The following KCNQ5 variants were observed in gnomAD, a reference collection of about 807,000 sequenced individuals.
The protein encoded by KCNQ5 is potassium voltage-gated channel subfamily KQT member 5.
A neutral mutation model predicts 98.2 loss-of-function variants in KCNQ5; 30 were observed. The observed-to-expected ratio is 0.31, with a 90% CI of 0.23 to 0.41. The LOEUF (loss-of-function observed/expected upper bound fraction) is 0.41. KCNQ5 is among the 10% of genes least tolerant of loss of function. The pLI, the probability that KCNQ5 is intolerant of heterozygous loss-of-function variation, is 1.00. For synonymous variants in KCNQ5, 458 were observed against 449.4 expected (o/e 1.02, Z -0.24); for missense variants, 835 against 1,182.5 (o/e 0.71, Z 4.31).
chr6:73,065,076 A>C (rs1772988156), intron 3 of KCNQ5, among the ~76,000 whole-genome samples: 2 of 148,802 alleles, frequency 1.3e-5, no homozygotes, highest in Non-Finnish European at 3.0e-5. Context: ...CTACTGCCTG[A>C]CTCTGCATCC....
At chr6:72,900,209 GT>G (rs1779431919) in intron 1 of KCNQ5, among the ~76,000 whole-genome samples, 1 of 151,656 alleles carries the variant, frequency 6.6e-6, no homozygotes. Flanking sequence ...ATGATGATTG[GT>G]TTTCCATTCC....
intron 1 of KCNQ5, among the ~76,000 whole-genome samples, chr6:72,857,575 C>T (rs994574923): frequency 3.9e-5 from 6 of 152,264 alleles, no homozygotes; most frequent in African/African-American, 1.2e-4. Flanking sequence ...TGTGATTAAG[C>T]ATAAAACTAA....
chr6:73,094,203 T>C (rs1394194592), intron 5 of KCNQ5, among the ~76,000 whole-genome samples: 2 of 152,098 alleles, frequency 1.3e-5, no homozygotes, highest in African/African-American at 4.8e-5. Context: ...AGTTTGTTTG[T>C]CTAAGAATAG....
intron 1 of KCNQ5, among the ~76,000 whole-genome samples, chr6:72,789,149 G>T (rs547809996): frequency 2.7e-5 from 4 of 150,560 alleles, no homozygotes; most frequent in South Asian, 2.1e-4. Flanking sequence ...TTTTGTTCAT[G>T]TGTATGTGTG....
At chr6:73,193,706 A>G (rs544660108) in intron 13 of KCNQ5, among the ~76,000 whole-genome samples, 2 of 152,114 alleles carry the variant, frequency 1.3e-5, no homozygotes, top group South Asian at 2.1e-4. Flanking sequence ...CTTTAAATTC[A>G]GAATCACCTA....
At chr6:72,734,544 A>G (rs904007219) in intron 1 of KCNQ5, among the ~76,000 whole-genome samples, 9 of 152,056 alleles carry the variant, frequency 5.9e-5, no homozygotes, top group African/African-American at 1.9e-4. Flanking sequence ...TAAATGTAGC[A>G]TTGAAGTTAT....
At chr6:72,906,542 T>C (rs1036951318) in intron 1 of KCNQ5, among the ~76,000 whole-genome samples, 1 of 152,212 alleles carries the variant, frequency 6.6e-6, no homozygotes, top group African/African-American at 2.4e-5. Flanking sequence ...GATGGCCTGC[T>C]TGGGGACCCA....
At chr6:73,120,652 C>CAA (rs559520498) in intron 8 of KCNQ5, 75 bp downstream of exon 8, 2 of 881,756 alleles carry the variant, frequency 2.3e-6, no homozygotes, top group African/African-American at 1.7e-5. Context: ...CCCACACACA[C>CAA]AAAAAAAGGT....
chr6:73,092,832 T>G (rs1264125343), intron 5 of KCNQ5, among the ~76,000 whole-genome samples: 1 of 152,196 alleles, frequency 6.6e-6, no homozygotes, highest in Non-Finnish European at 1.5e-5. Flanking sequence ...GTTAACAATT[T>G]TAGCATCTAT....
chr6:72,842,535 A>T (rs1214973609), intron 1 of KCNQ5, among the ~76,000 whole-genome samples: 2 of 152,130 alleles, frequency 1.3e-5, no homozygotes, highest in Non-Finnish European at 2.9e-5. Flanking sequence ...CATAACTGGG[A>T]TTATAATTCA....
rs934290578 is a variant in KCNQ5, at chr6:72,773,034, T to G, written c.398+150447T>G. ...GATTTTAGCTTATCAGTGTTGCCCC[T>G]TGTAAAACGCTATATTGAATATATC... On this transcript the variant is annotated intron_variant, in intron 1 of 13. Coordinates refer to ENST00000370398, the MANE Select transcript of KCNQ5 (RefSeq NM_019842.4). Among the ~76,000 whole-genome samples, 3 of 152,178 alleles carry G rather than the reference T, an allele frequency of 2.0e-5. No individual in the cohort carries two copies. In the South Asian group the frequency reaches 6.2e-4, roughly 32 times the overall value.
chr6:72,699,500 G>GT (rs1445253955), intron 1 of KCNQ5, among the ~76,000 whole-genome samples: 2 of 152,090 alleles, frequency 1.3e-5, no homozygotes, highest in Non-Finnish European at 2.9e-5. Flanking sequence ...TAAGTCTAAT[G>GT]TTTTTTCTTA....
rs77806317 is a variant in KCNQ5, at chr6:73,005,526, A to G, written c.489+1528A>G. On this transcript the variant is annotated intron_variant, in intron 2 of 13. Coordinates refer to ENST00000370398, the MANE Select transcript of KCNQ5 (RefSeq NM_019842.4). The stretch of plus-strand genomic sequence containing the variant: ...AAAATGTTAGATTTATATCCTCCAA[A>G]CCTCTGAAATATAAATTCTGTCATT... 3.6e-3 allele frequency among the ~76,000 whole-genome samples: 543 copies of G among 152,294 alleles called. 4 individuals are homozygous for G. Among genetic ancestry groups the G allele is most frequent in the African/African-American group, 0.013 (528 of 41,564 alleles).
chr6:72,838,543 TAA>T (rs1776617872), intron 1 of KCNQ5, among the ~76,000 whole-genome samples: 1 of 152,196 alleles, frequency 6.6e-6, no homozygotes, highest in Admixed American at 6.5e-5. Context: ...CACCAACACT[TAA>T]AATAGTTACA....
chr6:72,816,528 T>A (rs1326037795), intron 1 of KCNQ5, among the ~76,000 whole-genome samples: 1 of 152,024 alleles, frequency 6.6e-6, no homozygotes, highest in Admixed American at 6.6e-5. Context: ...GGAGTAAAAT[T>A]GAAAAATAAC....
intron 1 of KCNQ5, among the ~76,000 whole-genome samples, chr6:72,827,281 G>A (rs75903302): frequency 0.26 from 40,082 of 151,896 alleles, 6,191 homozygotes; most frequent in African/African-American, 0.43. Flanking sequence ...TCTATTTGTG[G>A]TTTTATGAGA....
intron 1 of KCNQ5, among the ~76,000 whole-genome samples, chr6:72,977,694 C>T (rs1010491607): frequency 2.0e-5 from 3 of 152,120 alleles, no homozygotes; most frequent in Non-Finnish European, 4.4e-5. Context: ...CCACTTTGTC[C>T]ATACGTTCAA....
chr6:72,680,579 A>G (rs1767656809), intron 1 of KCNQ5, among the ~76,000 whole-genome samples: 1 of 152,232 alleles, frequency 6.6e-6, no homozygotes, highest in Non-Finnish European at 1.5e-5. Flanking sequence ...AATGAAATGA[A>G]GATACCTTCA....
intron 3 of KCNQ5, chr6:73,056,000 T>A: frequency 2.6e-6 from 1 of 386,716 alleles, no homozygotes; most frequent in Non-Finnish European, 5.0e-6. Flanking sequence ...TTTAGCCATT[T>A]TGTCTTCTGC....
Sources: gnomAD v4.1 joint callset for allele counts (sites outside exome capture counted in the v4.1 genomes callset) on GRCh38, gnomAD v4.1.1 for gene constraint, MANE v1.5 for transcripts, NCBI Gene and HGNC (gene_info 2026-07-23, HGNC 2026-07-21) for gene names.